The following CRYGB variants were observed in gnomAD, a reference collection of about 807,000 sequenced individuals.
CRYGB encodes the protein crystallin gamma B.
CRYGB carries 19 observed loss-of-function variants against 21.3 expected under a neutral mutation model. That is an observed-to-expected ratio of 0.89 (90% CI 0.62 to 1.31). CRYGB has a LOEUF of 1.31. CRYGB is among the 50% of genes most tolerant of loss of function. The pLI is 0.00. For synonymous variants in CRYGB, 81 were observed against 81.2 expected, an observed-to-expected ratio of 1.00 and a Z score of 0.01; for missense variants, 254 against 228.4, an observed-to-expected ratio of 1.11 and a Z score of -0.72.
At position 208,142,762 on chromosome 2, in the gene CRYGB, T is replaced by TAG; in HGVS notation, c.402_403dup (p.Tyr135SerfsTer14). 6.2e-7 allele frequency: 1 copy of TAG among 1,614,108 alleles called. No individual in the cohort carries two copies. Among genetic ancestry groups the TAG allele is most frequent in the Non-Finnish European group, 8.5e-7 (1 of 1,180,020 alleles). ...CCTCCCCCTGTAGTTGGGCATCTCA[T>TAG]AGAGGATCCAGCTGCCCTCCAGCAC... On this transcript the variant is annotated frameshift_variant, in exon 3 of 3. Coordinates refer to ENST00000260988, the MANE Select transcript of CRYGB (RefSeq NM_005210.4). LOFTEE classifies it high-confidence loss of function.
intron 2 of CRYGB, among the ~76,000 whole-genome samples, chr2:208,143,940 A>T (rs886489625): frequency 6.6e-6 from 1 of 151,658 alleles, no homozygotes; most frequent in Non-Finnish European, 1.5e-5. Context: ...ACCCCTGACC[A>T]CTTTGGGCAC....
intron 1 of CRYGB, 31 bp downstream of exon 1, chr2:208,146,081 C>A: frequency 6.2e-7 from 1 of 1,614,158 alleles, no homozygotes; most frequent in South Asian, 1.1e-5. Context: ...GCATTAGGGC[C>A]AAGGCTGAGC....
At position 208,144,025 on chromosome 2, in the gene CRYGB, T is replaced by G. The variant is rs532763207; in HGVS notation, c.253-1112A>C. Among the ~76,000 whole-genome samples, 174 of 150,800 alleles carry G rather than the reference T, an allele frequency of 1.2e-3. 1 individual carries two copies. The highest frequency in any genetic ancestry group is 2.1e-3 in the Non-Finnish European group (139 of 67,542). On this transcript the variant is annotated intron_variant, in intron 2 of 2. Transcript: ENST00000260988. Reference sequence around the variant, plus strand: ...GCAAAATAAACCTTCTTTCTGGGTTTTTTTTTTTTTTTGAGATGGAGTTTC... The same window carrying G: ...GCAAAATAAACCTTCTTTCTGGGTTGTTTTTTTTTTTTGAGATGGAGTTTC...
rs1045592971 is a variant in CRYGB at position 208,142,688 on chromosome 2, C to T, written c.478G>A (p.Ala160Thr). 2 of 1,583,624 alleles carry T rather than the reference C, an allele frequency of 1.3e-6. No homozygotes were observed. Among genetic ancestry groups the T allele is most frequent in the South Asian group, 2.3e-5 (2 of 85,474 alleles). ...GEYRRFLDWG[A>T]PNAKVGSLRR... Reference sequence around the variant, plus strand: ...AGAGAGCCAACTTTGGCATTTGGAGCCCCCCAATCAAGAAACCTCCTGTAC... The same window carrying T: ...AGAGAGCCAACTTTGGCATTTGGAGTCCCCCAATCAAGAAACCTCCTGTAC... The change falls in exon 3 of 3, where the codon GCT becomes ACT. Residue 160 changes from alanine (A) to threonine (T), a missense_variant. Coordinates refer to ENST00000260988, the MANE Select transcript of CRYGB (RefSeq NM_005210.4).
rs566723377 is a variant in CRYGB, at chr2:208,146,055, C to T, written c.10-39G>A. On this transcript the variant is annotated intron_variant, in intron 1 of 2. Transcript: ENST00000260988. Reference sequence around the variant, plus strand: ...GATGTGGGAGCATGGAGTGATTGGCCCCCACTGAGGCCACTGCATTAGGGC... The same window carrying T: ...GATGTGGGAGCATGGAGTGATTGGCTCCCACTGAGGCCACTGCATTAGGGC... The T allele has an allele frequency of 3.2e-4, 504 of 1,571,600 alleles. 1 individual carries two copies. In the African/African-American group the frequency reaches 7.3e-3, roughly 23 times the overall value.
chr2:208,145,224 T>TTTGTTGTTG (rs71036980), intron 2 of CRYGB, among the ~76,000 whole-genome samples: 205 of 149,896 alleles, frequency 1.4e-3, no homozygotes, highest in Middle Eastern at 3.4e-3. Flanking sequence ...CAAGCAAAAG[T>TTTGTTGTTG]TTGTTGTTGT....
chr2:208,145,224 TTTGTTGTTG>T (rs71036980), intron 2 of CRYGB, among the ~76,000 whole-genome samples: 2 of 149,786 alleles, frequency 1.3e-5, no homozygotes, highest in Non-Finnish European at 3.0e-5. Flanking sequence ...CAAGCAAAAG[TTTGTTGTTG>T]TTGTTGTTGT....
intron 2 of CRYGB, among the ~76,000 whole-genome samples, chr2:208,144,022 G>GTTTTTT (rs4021949): frequency 1.4e-4 from 19 of 134,064 alleles, no homozygotes; most frequent in Non-Finnish European, 2.4e-4. Flanking sequence ...TTCTTTCTGG[G>GTTTTTT]TTTTTTTTTT....
At chr2:208,144,247 T>C (rs1432384808) in intron 2 of CRYGB, among the ~76,000 whole-genome samples, 1 of 152,086 alleles carries the variant, frequency 6.6e-6, no homozygotes. Context: ...ACTCCGGACC[T>C]CAGGTGATCT....
rs75781846 is a variant in CRYGB, at chr2:208,146,148, G to T, written c.-28C>A. The T allele has an allele frequency of 3.6e-3, 5,774 of 1,613,684 alleles. 181 individuals are homozygous for T. In the African/African-American group the frequency reaches 0.068, roughly 19 times the overall value. On this transcript the variant is annotated 5_prime_UTR_variant, in exon 1 of 3. Coordinates refer to ENST00000260988, the MANE Select transcript of CRYGB (RefSeq NM_005210.4). ...TGAAGGAAGTGAGCAGATGTTTTCT[G>T]GTTGCTGTGTGGGACTGCGGGAACG...
chr2:208,146,147 TG>T lies in CRYGB; in HGVS notation c.-28del, dbSNP rs1695468817. On this transcript the variant is annotated 5_prime_UTR_variant, in exon 1 of 3. Coordinates refer to ENST00000260988, the MANE Select transcript of CRYGB (RefSeq NM_005210.4). ...TTGAAGGAAGTGAGCAGATGTTTTC[TG>T]GTTGCTGTGTGGGACTGCGGGAACG... 6.2e-7 allele frequency: 1 copy of T among 1,613,646 alleles called. No individual in the cohort carries two copies. The highest frequency in any genetic ancestry group is 8.5e-7 in the Non-Finnish European group (1 of 1,179,800).
intron 2 of CRYGB, among the ~76,000 whole-genome samples, chr2:208,144,648 T>G (rs1255149893): frequency 1.3e-5 from 2 of 151,272 alleles, no homozygotes; most frequent in African/African-American, 4.9e-5. Flanking sequence ...TGGAGTGCAG[T>G]GGCATGATCT....
chr2:208,146,090 G>A (rs1695466919), intron 1 of CRYGB, 22 bp downstream of exon 1: 1 of 1,614,108 alleles, frequency 6.2e-7, no homozygotes, highest in African/African-American at 1.3e-5. Context: ...CCAAGGCTGA[G>A]CATCCGGTAC....
intron 2 of CRYGB, among the ~76,000 whole-genome samples, chr2:208,143,771 T>C (rs1695402322): frequency 6.6e-6 from 1 of 151,692 alleles, no homozygotes; most frequent in Non-Finnish European, 1.5e-5. Context: ...CCTCCCAAAG[T>C]GCTGGGATCA....
Position 208,145,945 on chromosome 2 carries a change from T to C in CRYGB, c.81A>G (p.Gln27=). Reference sequence around the variant, plus strand: ...TGGAGTTGCAGCGGCTGAAATAGGGTTGTAGGTTGGGGCAGTCAGTGGTGC... The same window carrying C: ...TGGAGTTGCAGCGGCTGAAATAGGGCTGTAGGTTGGGGCAGTCAGTGGTGC... ...YECTTDCPNL[Q]PYFSRCNSIR... is the part of the protein sequence containing the mutation. Residue 27 remains glutamine, a synonymous_variant, in exon 2 of 3, where the codon CAA becomes CAG. Transcript: ENST00000260988. The C allele has an allele frequency of 1.2e-6, 2 of 1,613,976 alleles. No individual in the cohort carries two copies. The highest frequency in any genetic ancestry group is 1.7e-6 in the Non-Finnish European group (2 of 1,179,980).
Position 208,142,929 on chromosome 2 carries a change from G to A in CRYGB, c.253-16C>T, listed in dbSNP as rs1390250627. 2 of 1,572,188 alleles carry A rather than the reference G, an allele frequency of 1.3e-6. No individual in the cohort carries two copies. Among genetic ancestry groups the A allele is most frequent in the African/African-American group, 2.7e-5 (2 of 73,516 alleles). On this transcript the variant is annotated splice_polypyrimidine_tract_variant and intron_variant, in intron 2 of 2. Transcript: ENST00000260988. The stretch of plus-strand genomic sequence containing the variant: ...CGCCAGAGTGCTGGAGTGGCAGACA[G>A]AAAACGCAAGAGTAAACAAACAAAA...
rs991607831 is a variant in CRYGB, at chr2:208,142,911, G to A, written c.255C>T (p.His85=). The part of the protein sequence containing the change: ...SIRSCCLIPP[H]SGAYRMKIYD... ...AGATCTTCATTCTGTAAGCGCCAGAGTGCTGGAGTGGCAGACAGAAAACGC... is the reference window on the plus strand; with the variant it reads ...AGATCTTCATTCTGTAAGCGCCAGAATGCTGGAGTGGCAGACAGAAAACGC... Residue 85 remains histidine, a splice_region_variant and synonymous_variant, in exon 3 of 3, where the codon CAC becomes CAT. Coordinates refer to ENST00000260988, the MANE Select transcript of CRYGB (RefSeq NM_005210.4). The A allele has an allele frequency of 1.2e-5, 19 of 1,588,704 alleles. No homozygotes were observed. The highest frequency in any genetic ancestry group is 1.6e-5 in the Non-Finnish European group (19 of 1,168,002).
intron 1 of CRYGB, 41 bp from the exon 2 acceptor site, chr2:208,146,057 C>T: frequency 1.9e-6 from 3 of 1,614,178 alleles, no homozygotes; most frequent in Non-Finnish European, 2.5e-6. Context: ...TGATTGGCCC[C>T]CACTGAGGCC....
At position 208,145,805 on chromosome 2, in the gene CRYGB, T is replaced by A; in HGVS notation, c.221A>T (p.Asp74Val). The change falls in exon 2 of 3, where the codon GAC (aspartate) becomes GTC (valine). Residue 74 changes from aspartate to valine, a missense_variant. Transcript: ENST00000260988. ...GATGAGGCAGCAGGAGCGGATGGAGTCGCTGAGGCCCATCCATTGCTGGTA... is the reference window on the plus strand; with the variant it reads ...GATGAGGCAGCAGGAGCGGATGGAGACGCTGAGGCCCATCCATTGCTGGTA... ...PDYQQWMGLS[D>V]SIRSCCLIPP... 3 of 1,609,148 alleles carry A rather than the reference T, an allele frequency of 1.9e-6. No homozygotes were observed. Among genetic ancestry groups the A allele is most frequent in the South Asian group, 2.2e-5 (2 of 90,894 alleles).
Sources: gnomAD v4.1 joint callset for allele counts (sites outside exome capture counted in the v4.1 genomes callset) on GRCh38, gnomAD v4.1.1 for gene constraint, MANE v1.5 for transcripts, NCBI Gene and HGNC (gene_info 2026-07-23, HGNC 2026-07-21) for gene names.